The following NEDD4 variants were observed in gnomAD, a reference collection of about 807,000 sequenced individuals.
NEDD4 encodes the protein E3 ubiquitin-protein ligase NEDD4.
A neutral mutation model predicts 144.9 loss-of-function variants in NEDD4; 99 were observed. The observed-to-expected ratio is 0.68, with a 90% CI of 0.58 to 0.81. The LOEUF is 0.81. Among genes scored for constraint, NEDD4 ranks in the 30% least tolerant of loss-of-function variants. The pLI is 0.00. For missense variants in NEDD4, 985 were observed against 1,065.9 expected, an observed-to-expected ratio of 0.92 and a Z score of 1.06; for synonymous variants, 318 against 350.6, an observed-to-expected ratio of 0.91 and a Z score of 1.04.
intron 5 of NEDD4, among the ~76,000 whole-genome samples, chr15:55,898,606 G>T: frequency 1.4e-5 from 2 of 144,344 alleles, no homozygotes; most frequent in East Asian, 2.0e-4. Context: ...AATATCTTCT[G>T]CTCTTTTGTA....
chr15:55,869,473 C>T (rs934261506), intron 8 of NEDD4, 106 bp downstream of exon 8: 51 of 634,556 alleles, frequency 8.0e-5, no homozygotes, highest in Non-Finnish European at 1.3e-4. Flanking sequence ...AGTAAATAAT[C>T]TTCATTGCAC....
intron 8 of NEDD4, 144 bp downstream of exon 8, chr15:55,869,435 A>G: frequency 5.2e-6 from 3 of 577,474 alleles, no homozygotes; most frequent in South Asian, 2.5e-5. Context: ...AGGGAAAACT[A>G]TTAATGCTTG....
rs1221007025 is a variant in NEDD4 at position 55,828,870 on chromosome 15, G to T, written c.*1027C>A. 12 of 152,396 alleles carry T rather than the reference G, an allele frequency of 7.9e-5. No homozygotes were observed. Among genetic ancestry groups the T allele is most frequent in the East Asian group, 3.8e-4 (2 of 5,204 alleles). 9.4% of individuals were successfully genotyped at this position (152,396 alleles called of 1,614,324 possible). ...TTGGTTATTTTAAACAAATTATTTG[G>T]TTTTTTTACTAGAGTGATACTAAAA... On this transcript the variant is annotated 3_prime_UTR_variant, in exon 29 of 29. Coordinates refer to ENST00000435532, the MANE Select transcript of NEDD4 (RefSeq NM_006154.4).
Position 55,903,966 on chromosome 15 carries a change from C to T in NEDD4, c.291+20680G>A, listed in dbSNP as rs372597783. Among the ~76,000 whole-genome samples the T allele has an allele frequency of 6.6e-5, 10 of 151,742 alleles. No individual in the cohort carries two copies. In the East Asian group the frequency reaches 7.8e-4, roughly 12 times the overall value. On this transcript the variant is annotated intron_variant, in intron 5 of 28. Coordinates refer to ENST00000435532, the MANE Select transcript of NEDD4 (RefSeq NM_006154.4). Reference sequence around the variant, plus strand: ...CCTGAGGTCAGGAGTTTGAGACCAGCCTGGCCAACACGGTGAAACCCCATC... The same window carrying T: ...CCTGAGGTCAGGAGTTTGAGACCAGTCTGGCCAACACGGTGAAACCCCATC...
intron 18 of NEDD4, among the ~76,000 whole-genome samples, chr15:55,845,322 CACTTAGCTTTTCT>C (rs1417973641): frequency 6.6e-6 from 1 of 152,092 alleles, no homozygotes; most frequent in Non-Finnish European, 1.5e-5. Flanking sequence ...GGAGCTAGAC[CACTTAGCTTTTCT>C]ACTTAATAAC....
chr15:55,974,585 T>C (rs986196146), intron 1 of NEDD4, among the ~76,000 whole-genome samples: 2 of 152,092 alleles, frequency 1.3e-5, no homozygotes, highest in Admixed American at 1.3e-4. Flanking sequence ...CCAAGTGGGA[T>C]TCATATCAGG....
chr15:55,954,413 A>G (rs1169942482), intron 2 of NEDD4, among the ~76,000 whole-genome samples: 1 of 152,168 alleles, frequency 6.6e-6, no homozygotes, highest in Non-Finnish European at 1.5e-5. Context: ...AACTAACTAT[A>G]TACTATTAAA....
chr15:55,837,555 G>C (rs2033270739), intron 24 of NEDD4, among the ~76,000 whole-genome samples: 1 of 152,048 alleles, frequency 6.6e-6, no homozygotes, highest in Non-Finnish European at 1.5e-5. Context: ...CTGTCCTAAA[G>C]TGAAGAGAAT....
rs545860976 is a variant in NEDD4 at position 55,848,236 on chromosome 15, T to C, written c.1542+136A>G. 3.2e-5 allele frequency: 25 copies of C among 785,088 alleles called. No homozygotes were observed. In the East Asian group the frequency reaches 6.1e-4, roughly 19 times the overall value. The allele number at this position is 785,088 out of a possible 1,614,324, so 48.6% of individuals were successfully genotyped here. A position where few individuals can be genotyped will look rare whatever the true frequency, so the allele number is the denominator to read the frequency against. Reference sequence around the variant, plus strand: ...TTTCAAATAACTGAGACTTGGAGTATGGGAAATGGGGGAGAGGAGAGAACG... The same window carrying C: ...TTTCAAATAACTGAGACTTGGAGTACGGGAAATGGGGGAGAGGAGAGAACG... On this transcript the variant is annotated intron_variant, in intron 17 of 28. Coordinates refer to ENST00000435532, the MANE Select transcript of NEDD4 (RefSeq NM_006154.4).
chr15:55,930,212 T>A (rs2036752968), intron 4 of NEDD4, among the ~76,000 whole-genome samples: 3 of 152,172 alleles, frequency 2.0e-5, no homozygotes, highest in Admixed American at 1.3e-4. Context: ...TTCAGATAGG[T>A]ATATAAATAC....
chr15:55,983,083 T>C (rs1377624462), intron 1 of NEDD4, among the ~76,000 whole-genome samples: 1 of 151,798 alleles, frequency 6.6e-6, no homozygotes, highest in Non-Finnish European at 1.5e-5. Context: ...GATTGCGCCA[T>C]TGCACTTCAG....
intron 1 of NEDD4, among the ~76,000 whole-genome samples, chr15:55,978,002 A>G (rs1212878261): frequency 6.6e-6 from 1 of 152,216 alleles, no homozygotes; most frequent in Non-Finnish European, 1.5e-5. Flanking sequence ...AAATAATGTT[A>G]CTTATCTTAT....
chr15:55,931,905 TC>T (rs1377977101), intron 4 of NEDD4, among the ~76,000 whole-genome samples: 1 of 152,200 alleles, frequency 6.6e-6, no homozygotes, highest in Non-Finnish European at 1.5e-5. Context: ...TAACAGACAC[TC>T]CCCATTTTCC....
intron 5 of NEDD4, among the ~76,000 whole-genome samples, chr15:55,922,125 T>C (rs1353133995): frequency 6.6e-6 from 1 of 152,132 alleles, no homozygotes; most frequent in Non-Finnish European, 1.5e-5. Context: ...TAGGGAGACA[T>C]AAAAATGTTT....
At chr15:55,869,765 T>C (rs1333396726) in intron 7 of NEDD4, 84 bp from the exon 8 acceptor site, 3 of 864,006 alleles carry the variant, frequency 3.5e-6, no homozygotes, top group Non-Finnish European at 5.5e-6. Context: ...GAACACCCAC[T>C]AGGTACCAGG....
intron 2 of NEDD4, among the ~76,000 whole-genome samples, chr15:55,966,022 C>T (rs1384943102): frequency 6.6e-6 from 1 of 152,122 alleles, no homozygotes; most frequent in East Asian, 1.9e-4. Context: ...TACAATTTTT[C>T]CAGGTTCTGA....
chr15:55,972,289 G>T (rs1223905484), intron 1 of NEDD4, among the ~76,000 whole-genome samples: 12 of 152,132 alleles, frequency 7.9e-5, no homozygotes, highest in African/African-American at 2.9e-4. Context: ...ACTAAAAGAT[G>T]AACCTATCAA....
chr15:55,973,574 G>A (rs1255666038), intron 1 of NEDD4, among the ~76,000 whole-genome samples: 1 of 151,996 alleles, frequency 6.6e-6, no homozygotes, highest in Admixed American at 6.6e-5. Flanking sequence ...AATCTTAAAA[G>A]TATCTTCTCT....
intron 1 of NEDD4, among the ~76,000 whole-genome samples, chr15:55,985,904 G>C (rs1175081308): frequency 6.6e-6 from 1 of 152,084 alleles, no homozygotes; most frequent in Non-Finnish European, 1.5e-5. Context: ...TGCTTCTAGG[G>C]AAAATGGCTG....
Sources: allele counts gnomAD v4.1 joint callset (sites outside exome capture counted in the v4.1 genomes callset), GRCh38; gene constraint gnomAD v4.1.1; transcripts MANE v1.5; gene names NCBI Gene and HGNC (gene_info 2026-07-23, HGNC 2026-07-21).